SLC36A1: variants seen among roughly 807,000 people sequenced by gnomAD.
The protein encoded by SLC36A1 is proton-coupled amino acid transporter 1.
A neutral mutation model predicts 47.5 loss-of-function variants in SLC36A1; 30 were observed. The ratio of observed to expected loss-of-function variants is 0.63; its 90% CI spans 0.47 to 0.86. The LOEUF is 0.86. SLC36A1 is among the 40% of genes least tolerant of loss of function. The probability of loss-of-function intolerance (pLI) is 0.00; values close to 1 mark genes in which losing one functional copy is unlikely to be tolerated. For missense variants in SLC36A1, 517 were observed against 606.0 expected, an observed-to-expected ratio of 0.85 and a Z score of 1.54; for synonymous variants, 255 against 249.7, an observed-to-expected ratio of 1.02 and a Z score of -0.20.
chr5:151,530,602 T>G, the SLC36A1 span, among the ~76,000 whole-genome samples: 2 of 152,262 alleles, frequency 1.3e-5, no homozygotes, highest in Non-Finnish European at 2.9e-5. Flanking sequence ...TTGGGGATAC[T>G]AACAAACCAG....
chr5:151,550,974 G>A, the SLC36A1 span: 1 of 963,906 alleles, frequency 1.0e-6, no homozygotes, highest in Non-Finnish European at 1.6e-6. Context: ...CACAGTGCCT[G>A]GCACTCAGCA....
At chr5:151,454,743 C>G (rs917275304) in intron 1 of SLC36A1, among the ~76,000 whole-genome samples, 1 of 125,308 alleles carries the variant, frequency 8.0e-6, no homozygotes, top group Admixed American at 9.2e-5. Context: ...GACGGAGTCT[C>G]GCTCTGTCGC....
At chr5:151,531,945 A>G in the SLC36A1 span, 1 of 1,614,182 alleles carries the variant, frequency 6.2e-7, no homozygotes, top group South Asian at 1.1e-5. The surrounding 1 kb of genome is among the most constrained non-coding windows in gnomAD (Gnocchi z 5.7). Context: ...AATCCGGCAG[A>G]GAGTAAACCA....
chr5:151,417,765 TG>T, the SLC36A1 span, among the ~76,000 whole-genome samples: 2 of 152,060 alleles, frequency 1.3e-5, no homozygotes, highest in Non-Finnish European at 1.5e-5. Context: ...CCAGTTTTGG[TG>T]GGGGGAATTC....
At chr5:151,544,047 A>G in the SLC36A1 span, 1 of 1,614,208 alleles carries the variant, frequency 6.2e-7, no homozygotes, top group South Asian at 1.1e-5. Flanking sequence ...GGGTTTCACC[A>G]GTGAGTGGGG....
chr5:151,447,403 C>G (rs1581038175), upstream of SLC36A1, among the ~76,000 whole-genome samples: 1 of 152,364 alleles, frequency 6.6e-6, no homozygotes, highest in East Asian at 1.9e-4. Flanking sequence ...GGACTCTGCC[C>G]CATGCCCAAG....
At chr5:151,345,582 C>T in the SLC36A1 span, among the ~76,000 whole-genome samples, 1 of 152,148 alleles carries the variant, frequency 6.6e-6, no homozygotes, top group African/African-American at 2.4e-5. Context: ...CCCTGCATGC[C>T]TTTCTCCCTG....
the SLC36A1 span, among the ~76,000 whole-genome samples, chr5:151,514,555 C>T: frequency 6.6e-6 from 1 of 152,218 alleles, no homozygotes; most frequent in Non-Finnish European, 1.5e-5. Context: ...TGCTCACGAG[C>T]CTCTCTTTAA....
Position 151,479,376 on chromosome 5 carries a change from T to C in SLC36A1, c.1046T>C (p.Leu349Pro). 4 of 1,614,244 alleles carry C rather than the reference T, an allele frequency of 2.5e-6. No homozygotes were observed. The highest frequency in any genetic ancestry group is 3.4e-6 in the Non-Finnish European group (4 of 1,180,030). ...YSIGIFFTYA[L>P]QFYVPAEIII... ...ATCGGGATCTTTTTCACCTACGCAC[T>C]CCAGTTCTACGTCCCGGCTGAGATC... Residue 349 changes from leucine to proline, a missense_variant, in exon 10 of 11, where the codon CTC (leucine) becomes CCC (proline). By Grantham distance (98) the Leu-to-Pro change is moderately conservative (BLOSUM62 -3). Coordinates refer to ENST00000243389, the MANE Select transcript of SLC36A1 (RefSeq NM_078483.4).
the SLC36A1 span, among the ~76,000 whole-genome samples, chr5:151,424,579 A>G: frequency 1.3e-5 from 2 of 152,240 alleles, no homozygotes; most frequent in Non-Finnish European, 2.9e-5. Flanking sequence ...AAGAGCAGAT[A>G]TTAATCACTA....
the SLC36A1 span, among the ~76,000 whole-genome samples, chr5:151,399,084 A>ATATATATATTTTTTTTT: frequency 1.7e-5 from 1 of 60,066 alleles, no homozygotes; most frequent in Non-Finnish European, 3.5e-5. Flanking sequence ...ATATATATAT[A>ATATATATATTTTTTTTT]TTTTTTTTTT....
At chr5:151,504,445 C>T in the SLC36A1 span, 1 of 152,690 alleles carries the variant, frequency 6.5e-6, no homozygotes, top group East Asian at 1.9e-4. Context: ...TGGGCACCCA[C>T]ATGTGTAGAC....
intron 1 of SLC36A1, among the ~76,000 whole-genome samples, chr5:151,457,854 G>GT (rs35595732): frequency 4.6e-4 from 66 of 143,592 alleles, no homozygotes; most frequent in Middle Eastern, 3.6e-3. Flanking sequence ...TTGTTTGTTT[G>GT]TTTTTTTTTT....
intron 1 of SLC36A1, among the ~76,000 whole-genome samples, chr5:151,458,324 A>ATATATACATACACTTG (rs1754950580): frequency 9.6e-6 from 1 of 104,710 alleles, no homozygotes; most frequent in African/African-American, 3.3e-5. Context: ...ATATATATAT[A>ATATATACATACACTTG]TATATATATG....
chr5:151,549,028 C>T, the SLC36A1 span, among the ~76,000 whole-genome samples: 7 of 152,170 alleles, frequency 4.6e-5, no homozygotes, highest in Admixed American at 3.9e-4. Context: ...ATATCTTCTA[C>T]ATGTTTGGTC....
the SLC36A1 span, chr5:151,542,690 C>T: frequency 1.9e-6 from 3 of 1,614,214 alleles, no homozygotes; most frequent in Admixed American, 5.0e-5. Context: ...ACTGAGGTCC[C>T]CACTGGCATA....
chr5:151,418,020 G>A, the SLC36A1 span, among the ~76,000 whole-genome samples: 1 of 152,252 alleles, frequency 6.6e-6, no homozygotes, highest in Non-Finnish European at 1.5e-5. Context: ...TAGAGCTCAG[G>A]TCATTGCTTA....
the SLC36A1 span, chr5:151,551,700 G>A: frequency 7.3e-7 from 1 of 1,366,226 alleles, no homozygotes; most frequent in East Asian, 2.3e-5. Flanking sequence ...AGAGGACACG[G>A]TGGTAAATTC....
chr5:151,372,441 T>TA, the SLC36A1 span, among the ~76,000 whole-genome samples: 1,183 of 151,146 alleles, frequency 7.8e-3, 17 homozygotes, highest in Non-Finnish European at 9.9e-3. Flanking sequence ...AATAATTCAT[T>TA]AAAAATTTTT....
Sources: allele counts gnomAD v4.1 joint callset (sites outside exome capture counted in the v4.1 genomes callset), GRCh38; gene constraint gnomAD v4.1.1; non-coding constraint Gnocchi (gnomAD v3.1); transcripts MANE v1.5; gene names NCBI Gene and HGNC (gene_info 2026-07-23, HGNC 2026-07-21).